The following CAMK2B variants were observed in gnomAD, a reference collection of about 807,000 sequenced individuals.
CAMK2B encodes calcium/calmodulin dependent protein kinase II beta.
CAMK2B carries 27 observed loss-of-function variants against 93.7 expected under a neutral mutation model. The observed-to-expected ratio is 0.29, with a 90% confidence interval of 0.21 to 0.40. The LOEUF (loss-of-function observed/expected upper bound fraction) is 0.40. CAMK2B is among the 10% of genes least tolerant of loss of function. The pLI is 1.00. For synonymous variants in CAMK2B, 374 were observed against 358.8 expected (o/e 1.04, Z -0.48); for missense variants, 568 against 895.8 (o/e 0.63, Z 4.67).
intron 15 of CAMK2B, 121 bp from the exon 16 acceptor site, chr7:44,232,987 A>G: frequency 1.2e-6 from 1 of 848,454 alleles, no homozygotes. Context: ...AGCCTGCGAG[A>G]AAGAAGTGCA....
rs367893722 is a variant in CAMK2B, at chr7:44,229,544, G to A, written c.1226-43C>T. ...AGGCAGGCAGGTGGGTGGTGCGCCC[G>A]CAGGAAAAGAAGGCAACTGGAGAAG... On this transcript the variant is annotated intron_variant, in intron 17 of 23. Coordinates refer to ENST00000395749, the MANE Select transcript of CAMK2B (RefSeq NM_001220.5). 531 of 1,032,018 alleles carry A rather than the reference G, an allele frequency of 5.1e-4. 1 individual carries two copies. In the African/African-American group the frequency reaches 7.6e-3, roughly 15 times the overall value. The allele number at this position is 1,032,018 out of a possible 1,614,324, so 63.9% of individuals were successfully genotyped here. A position where few individuals can be genotyped will look rare whatever the true frequency, so the allele number is the denominator to read the frequency against.
chr7:44,273,407 A>G (rs2096994225), intron 2 of CAMK2B, among the ~76,000 whole-genome samples: 1 of 152,148 alleles, frequency 6.6e-6, no homozygotes, highest in South Asian at 2.1e-4. Flanking sequence ...CGTGCTCACA[A>G]ATCGGGTGAG....
intron 2 of CAMK2B, among the ~76,000 whole-genome samples, chr7:44,269,244 TC>T (rs1412042221): frequency 1.8e-4 from 28 of 152,092 alleles, no homozygotes; most frequent in Admixed American, 1.8e-3. Context: ...AGGGTAGCCT[TC>T]AACATCCCAA....
At chr7:44,259,064 G>A (rs1301680848) in intron 3 of CAMK2B, 138 bp from the exon 4 acceptor site, 2 of 779,876 alleles carry the variant, frequency 2.6e-6, no homozygotes, top group East Asian at 2.7e-5. Flanking sequence ...TAGGGCCCGG[G>A]TGGGCAGGCC....
At chr7:44,253,901 GTTT>G (rs58844378) in intron 5 of CAMK2B, among the ~76,000 whole-genome samples, 5 of 139,780 alleles carry the variant, frequency 3.6e-5, no homozygotes, top group African/African-American at 1.3e-4. Flanking sequence ...CCTGGCCTCA[GTTT>G]TTTTTTTTTT....
At chr7:44,276,473 C>G (rs955078470) in intron 2 of CAMK2B, among the ~76,000 whole-genome samples, 1 of 152,142 alleles carries the variant, frequency 6.6e-6, no homozygotes, top group Non-Finnish European at 1.5e-5. Context: ...AGGCAGGCTT[C>G]TGGCTGGGGA....
At chr7:44,310,328 G>A (rs941141228) in intron 1 of CAMK2B, among the ~76,000 whole-genome samples, 1 of 152,172 alleles carries the variant, frequency 6.6e-6, no homozygotes, top group African/African-American at 2.4e-5. Context: ...GAAAGAAATG[G>A]GGCTTCCACA....
In CAMK2B at chr7:44,286,277, C is replaced by A. The variant is rs1353632463; in HGVS notation, c.66-2052G>T. Among the ~76,000 whole-genome samples the A allele has an allele frequency of 2.0e-5, 3 of 152,174 alleles. No individual in the cohort carries two copies. The highest frequency in any genetic ancestry group is 4.4e-5 in the Non-Finnish European group (3 of 68,018). On this transcript the variant is annotated intron_variant, in intron 1 of 23. Transcript: ENST00000395749. This position sits in a 1 kb window ranked among gnomAD's most constrained non-coding sequence, Gnocchi z 4.0. ...TGACCCCTAGAGGGCTCAGCGGCCACAGGGCTGACGTGGCAGGCCTCCACT... is the reference window on the plus strand; with the variant it reads ...TGACCCCTAGAGGGCTCAGCGGCCAAAGGGCTGACGTGGCAGGCCTCCACT...
chr7:44,320,718 C>T (rs956430441), intron 1 of CAMK2B, among the ~76,000 whole-genome samples: 8 of 152,218 alleles, frequency 5.3e-5, no homozygotes, highest in South Asian at 2.1e-4. Flanking sequence ...TCAGCATGTG[C>T]GACTTCTTTT....
intron 4 of CAMK2B, 139 bp downstream of exon 4, chr7:44,258,733 G>GA: frequency 1.4e-6 from 1 of 735,390 alleles, no homozygotes; most frequent in Non-Finnish European, 2.4e-6. Flanking sequence ...GGAGCAAGGG[G>GA]ACCAGCAGCA....
intron 2 of CAMK2B, among the ~76,000 whole-genome samples, chr7:44,274,083 C>G (rs991022398): frequency 6.6e-6 from 1 of 152,184 alleles, no homozygotes; most frequent in Non-Finnish European, 1.5e-5. Flanking sequence ...TCCGCCCTCC[C>G]CAGCAGGAGA....
intron 12 of CAMK2B, 29 bp downstream of exon 12, chr7:44,240,678 G>T: frequency 6.2e-7 from 1 of 1,612,122 alleles, no homozygotes; most frequent in Non-Finnish European, 8.5e-7. Flanking sequence ...AGGGGGCAGC[G>T]CCTGTCTCCC....
At chr7:44,240,562 C>T (rs2096668690) in intron 12 of CAMK2B, 145 bp downstream of exon 12, 1 of 875,146 alleles carries the variant, frequency 1.1e-6, no homozygotes. Context: ...GCCAGGTGGG[C>T]AGTGGGTCTC....
intron 20 of CAMK2B, among the ~76,000 whole-genome samples, chr7:44,221,920 C>T (rs576996793): frequency 3.9e-5 from 6 of 152,200 alleles, no homozygotes; most frequent in Admixed American, 1.3e-4. Flanking sequence ...TTGCTTTAGA[C>T]GCATTTTTAA....
chr7:44,275,025 C>A (rs2097019126), intron 2 of CAMK2B, among the ~76,000 whole-genome samples: 1 of 152,216 alleles, frequency 6.6e-6, no homozygotes, highest in Non-Finnish European at 1.5e-5. Context: ...CCAGGTCTCC[C>A]CTCTGCCGGG....
intron 1 of CAMK2B, among the ~76,000 whole-genome samples, chr7:44,302,577 C>T (rs977793566): frequency 6.6e-6 from 1 of 152,112 alleles, no homozygotes; most frequent in South Asian, 2.1e-4. Context: ...GGATTTATCC[C>T]AGGTATGCAA....
intron 15 of CAMK2B, 43 bp downstream of exon 15, chr7:44,234,347 G>A: frequency 6.8e-7 from 1 of 1,461,342 alleles, no homozygotes; most frequent in Non-Finnish European, 9.1e-7. Context: ...CACAGCCAGG[G>A]GCGTAGGAGG....
At chr7:44,252,696 C>T (rs2096791670) in intron 5 of CAMK2B, among the ~76,000 whole-genome samples, 1 of 152,166 alleles carries the variant, frequency 6.6e-6, no homozygotes, top group African/African-American at 2.4e-5. Context: ...CAGGATCCCA[C>T]CTGCCCCAGC....
At chr7:44,301,892 A>C (rs1790153826) in intron 1 of CAMK2B, among the ~76,000 whole-genome samples, 1 of 151,870 alleles carries the variant, frequency 6.6e-6, no homozygotes, top group African/African-American at 2.4e-5. Context: ...AAAAAAGAAT[A>C]AAAACTAGAG....
Sources: allele counts gnomAD v4.1 joint callset (sites outside exome capture counted in the v4.1 genomes callset), GRCh38; gene constraint gnomAD v4.1.1; non-coding constraint Gnocchi (gnomAD v3.1); transcripts MANE v1.5; gene names NCBI Gene and HGNC (gene_info 2026-07-23, HGNC 2026-07-21).